Variants in EMC3 observed in about 807,000 individuals in gnomAD.
The protein encoded by EMC3 is 30 kDa protein.
Under a neutral mutation model 36.6 loss-of-function variants are expected in EMC3, and 13 were observed. The ratio of observed to expected loss-of-function variants is 0.35; its 90% CI spans 0.23 to 0.56. The LOEUF (loss-of-function observed/expected upper bound fraction) is 0.56, where lower values mean the gene tolerates loss of function less well. Among genes scored for constraint, EMC3 ranks in the 20% least tolerant of loss-of-function variants. EMC3 has a pLI of 0.84. For synonymous variants in EMC3, 120 were observed against 111.9 expected (o/e 1.07, Z -0.46); for missense variants, 220 against 324.5 (o/e 0.68, Z 2.47).
At chr3:9,975,066 G>A (rs571564010) in intron 3 of EMC3, among the ~76,000 whole-genome samples, 28 of 150,890 alleles carry the variant, frequency 1.9e-4, no homozygotes, top group Admixed American at 1.2e-3. Flanking sequence ...TCACCATGTC[G>A]GCCAGGCTGG....
chr3:9,981,412 T>C (rs1392021816), intron 1 of EMC3, among the ~76,000 whole-genome samples: 1 of 152,190 alleles, frequency 6.6e-6, no homozygotes, highest in Non-Finnish European at 1.5e-5. Context: ...ATAAGCAATC[T>C]TAAATTATCC....
chr3:9,974,562 A>C, intron 3 of EMC3, 74 bp from the exon 4 acceptor site: 5 of 1,097,192 alleles, frequency 4.6e-6, no homozygotes, highest in Non-Finnish European at 6.9e-6. Context: ...GATTTTCTGT[A>C]AACTGTTTTT....
chr3:9,973,772 C>A, intron 4 of EMC3, 63 bp from the exon 5 acceptor site: 3 of 1,472,282 alleles, frequency 2.0e-6, no homozygotes, highest in Non-Finnish European at 2.9e-6. Context: ...AAGTGTGACT[C>A]TTTCTCAGAG....
At chr3:9,998,137 C>T (rs372956920) in intron 1 of EMC3, among the ~76,000 whole-genome samples, 1 of 151,866 alleles carries the variant, frequency 6.6e-6, no homozygotes, top group East Asian at 1.9e-4. Context: ...GAGGCCGAGG[C>T]GGGCAGATCA....
chr3:9,987,948 T>C, upstream of EMC3: 1 of 1,041,232 alleles, frequency 9.6e-7, no homozygotes, highest in South Asian at 1.2e-5. Flanking sequence ...TGCAGCATTG[T>C]GTTTTGCCAT....
chr3:10,004,352 C>A (rs2086240382), intron 1 of EMC3: 1 of 152,180 alleles, frequency 6.6e-6, no homozygotes, highest in East Asian at 1.9e-4. Flanking sequence ...AACAACCCAG[C>A]TTTTGGTGGC....
At position 9,962,897 on chromosome 3, in the gene EMC3, T is replaced by G. The variant is rs2085701461; in HGVS notation, c.*1172A>C. 1 of 152,210 alleles carries G rather than the reference T, an allele frequency of 6.6e-6. No homozygotes were observed. Among genetic ancestry groups the G allele is most frequent in the African/African-American group, 2.4e-5 (1 of 41,460 alleles). The allele number at this position is 152,210 out of a possible 1,614,324, so 9.4% of individuals were successfully genotyped here. ...TCTTACAGCAATATGTAAATTCTCT[T>G]TTGTTCCAAGCAACTGGGAAATGAG... is the stretch of plus-strand genomic sequence containing the variant. On this transcript the variant is annotated 3_prime_UTR_variant, in exon 8 of 8. Coordinates refer to ENST00000245046, the MANE Select transcript of EMC3 (RefSeq NM_001394674.1).
intron 1 of EMC3, among the ~76,000 whole-genome samples, chr3:10,005,456 A>G (rs1427467706): frequency 6.6e-6 from 1 of 152,168 alleles, no homozygotes; most frequent in Non-Finnish European, 1.5e-5. Context: ...ACAAAGCCTC[A>G]GTGTCATACT....
intron 1 of EMC3, among the ~76,000 whole-genome samples, chr3:9,999,123 A>G (rs538450526): frequency 2.0e-4 from 31 of 152,156 alleles, no homozygotes; most frequent in African/African-American, 7.2e-4. Flanking sequence ...TATATTCTGG[A>G]TATTGATCCC....
chr3:10,002,274 C>CT (rs796467672), intron 1 of EMC3, among the ~76,000 whole-genome samples: 1 of 99,626 alleles, frequency 1.0e-5, no homozygotes. Flanking sequence ...TCAGCAGTTT[C>CT]TTTTTTTATT....
intron 6 of EMC3, 41 bp downstream of exon 6, chr3:9,970,541 C>G (rs2085774543): frequency 6.3e-7 from 1 of 1,594,028 alleles, no homozygotes; most frequent in East Asian, 2.2e-5. Context: ...GATGATTCAT[C>G]TATGGAAGTA....
intron 1 of EMC3, among the ~76,000 whole-genome samples, chr3:10,005,983 C>T (rs572580796): frequency 8.5e-5 from 13 of 152,290 alleles, no homozygotes; most frequent in South Asian, 2.1e-4. Context: ...TTCAGCCTCC[C>T]GAAGAAAGCC....
intron 1 of EMC3, among the ~76,000 whole-genome samples, chr3:10,010,658 C>G (rs1354139117): frequency 6.6e-6 from 1 of 152,220 alleles, no homozygotes; most frequent in East Asian, 1.9e-4. Flanking sequence ...AGCAAATGCT[C>G]AATGTTCACT....
In EMC3 at chr3:9,967,356, G is replaced by A. The variant is rs908534315; in HGVS notation, c.657+2363C>T. On this transcript the variant is annotated intron_variant, in intron 7 of 7. Transcript: ENST00000245046. ...TTTTTTTTTTCTTCTGCACTAACAT[G>A]CCTGTTGAACCATTTGGACTTAACT... Among the ~76,000 whole-genome samples, 4 of 75,286 alleles carry A rather than the reference G, an allele frequency of 5.3e-5. No homozygotes were observed. The African/African-American group carries it at 5.9e-4, about 11-fold the overall frequency. 49.4% of individuals were successfully genotyped at this position (75,286 alleles called of 152,430 possible). A position where few individuals can be genotyped will look rare whatever the true frequency, so the allele number is the denominator to read the frequency against.
At chr3:10,007,742 C>G (rs1191954960) in intron 1 of EMC3, 4 of 1,035,734 alleles carry the variant, frequency 3.9e-6, no homozygotes, top group Non-Finnish European at 3.9e-6. Flanking sequence ...CCATCAGCAC[C>G]CATCAAGGAG....
At chr3:9,990,871 C>T (rs2086041866), upstream of EMC3, among the ~76,000 whole-genome samples, 1 of 151,406 alleles carries the variant, frequency 6.6e-6, no homozygotes, top group Non-Finnish European at 1.5e-5. Flanking sequence ...CGCTGTCGCC[C>T]AGGCTGTAGT....
At chr3:9,994,604 C>G (rs1192998963) in intron 1 of EMC3, among the ~76,000 whole-genome samples, 2 of 145,558 alleles carry the variant, frequency 1.4e-5, no homozygotes, top group African/African-American at 5.1e-5. Context: ...GAGTTTCGTT[C>G]TTGTTGCCCA....
At chr3:9,999,868 T>C (rs529957796) in intron 1 of EMC3, among the ~76,000 whole-genome samples, 3 of 152,316 alleles carry the variant, frequency 2.0e-5, no homozygotes, top group Admixed American at 2.0e-4. Flanking sequence ...TTATTTTCCT[T>C]CAATCCTAGC....
At chr3:10,000,135 G>A (rs571635728) in intron 1 of EMC3, among the ~76,000 whole-genome samples, 11 of 152,006 alleles carry the variant, frequency 7.2e-5, no homozygotes, top group South Asian at 4.2e-4. Flanking sequence ...TCTGCCTTCC[G>A]GGTTCAAGCA....
Sources: allele counts gnomAD v4.1 joint callset (sites outside exome capture counted in the v4.1 genomes callset), GRCh38; gene constraint gnomAD v4.1.1; transcripts MANE v1.5; gene names NCBI Gene and HGNC (gene_info 2026-07-23, HGNC 2026-07-21).